The following ATP2C2 variants were observed in gnomAD, a reference collection of about 807,000 sequenced individuals.
The protein encoded by ATP2C2 is calcium-transporting ATPase type 2C member 2.
In ATP2C2, 171 loss-of-function variants were observed where a neutral mutation model predicts 110.8. That is an observed-to-expected ratio of 1.54 (90% CI 1.36 to 1.75). The LOEUF is 1.75. ATP2C2 is among the 40% of genes most tolerant of loss of function. ATP2C2 has a pLI of 0.00. For synonymous variants in ATP2C2, 804 were observed against 508.4 expected, an observed-to-expected ratio of 1.58 and a Z score of -7.82; for missense variants, 1,963 against 1,235.0, an observed-to-expected ratio of 1.59 and a Z score of -8.84.
rs745608003 is a variant in ATP2C2, at chr16:84,423,181, CT to C, written c.844-4del. 6.2e-7 allele frequency: 1 copy of C among 1,613,658 alleles called. No individual in the cohort carries two copies. On this transcript the variant is annotated splice_polypyrimidine_tract_variant and splice_region_variant and intron_variant, in intron 9 of 26. Coordinates refer to ENST00000262429, the MANE Select transcript of ATP2C2 (RefSeq NM_014861.4). The stretch of plus-strand genomic sequence containing the variant: ...GTCCAACTAACCCATTGTGCTCACC[CT>C]TTCAGACACCTAAAACTCCTTTGCA...
chr16:84,417,719 C>G (rs746029439), intron 7 of ATP2C2, among the ~76,000 whole-genome samples: 3 of 152,282 alleles, frequency 2.0e-5, no homozygotes, highest in African/African-American at 7.2e-5. Context: ...TAGTGACACT[C>G]CATCTGTACA....
At chr16:84,371,536 A>G (rs766106296) in intron 1 of ATP2C2, among the ~76,000 whole-genome samples, 2 of 152,224 alleles carry the variant, frequency 1.3e-5, no homozygotes. Flanking sequence ...GGTCTTTGAG[A>G]GGCCTCCTTA....
chr16:84,434,488 C>T (rs937213832), intron 11 of ATP2C2, among the ~76,000 whole-genome samples: 1 of 151,920 alleles, frequency 6.6e-6, no homozygotes, highest in African/African-American at 2.4e-5. Flanking sequence ...AAGGCACTTG[C>T]TTTTCCTGGT....
rs756801529 is a variant in ATP2C2, at chr16:84,462,074, C to T, written c.2667C>T (p.Val889=). 1 of 1,614,026 alleles carries T rather than the reference C, an allele frequency of 6.2e-7. No homozygotes were observed. Among genetic ancestry groups the T allele is most frequent in the Non-Finnish European group, 8.5e-7 (1 of 1,179,964 alleles). Reference sequence around the variant, plus strand: ...GGTCCATCCTGGGGCAGCTGGCGGTCATTTACATCCCCCCGCTGCAGAGGG... The same window carrying T: ...GGTCCATCCTGGGGCAGCTGGCGGTTATTTACATCCCCCCGCTGCAGAGGG... The part of the protein sequence containing the change: ...VLGSILGQLA[V]IYIPPLQRVF... Residue 889 remains valine, a synonymous_variant, in exon 26 of 27, where the codon GTC becomes GTT. Transcript: ENST00000262429.
At chr16:84,459,230 C>G (rs1911001850) in intron 22 of ATP2C2, 40 bp from the exon 23 acceptor site, 1 of 1,614,018 alleles carries the variant, frequency 6.2e-7, no homozygotes, top group Non-Finnish European at 8.5e-7. Flanking sequence ...AAGCACCACG[C>G]CTGGCGGGCG....
At chr16:84,385,411 T>C (rs759141152) in intron 1 of ATP2C2, among the ~76,000 whole-genome samples, 1 of 152,152 alleles carries the variant, frequency 6.6e-6, no homozygotes, top group Non-Finnish European at 1.5e-5. Flanking sequence ...GAGAATAGAA[T>C]TGGACATGAG....
At chr16:84,448,739 G>C in intron 17 of ATP2C2, 50 bp downstream of exon 17, 2 of 1,568,580 alleles carry the variant, frequency 1.3e-6, no homozygotes, top group Non-Finnish European at 1.7e-6. Flanking sequence ...ATGTAACATT[G>C]ACTTTTAAGT....
At chr16:84,425,857 C>T in intron 11 of ATP2C2, 56 bp downstream of exon 11, 2 of 1,579,738 alleles carry the variant, frequency 1.3e-6, no homozygotes, top group Non-Finnish European at 1.7e-6. Context: ...GGCTCTGAGC[C>T]CTTCCCTGCC....
intron 4 of ATP2C2, 129 bp downstream of exon 4, chr16:84,408,623 A>T: frequency 1.4e-6 from 1 of 696,900 alleles, no homozygotes; most frequent in Non-Finnish European, 2.4e-6. Context: ...CAGAAGAAAG[A>T]AAGGAAAGCA....
intron 17 of ATP2C2, among the ~76,000 whole-genome samples, chr16:84,451,326 G>C (rs967438511): frequency 6.6e-6 from 1 of 152,180 alleles, no homozygotes; most frequent in Non-Finnish European, 1.5e-5. Context: ...GGGAGCTACA[G>C]TTCAAGATGA....
Position 84,461,090 on chromosome 16 carries a change from CT to C in ATP2C2, c.2481+290del, listed in dbSNP as rs1911283401. 9.5e-6 allele frequency: 4 copies of C among 420,870 alleles called. No individual in the cohort carries two copies. In the East Asian group the frequency reaches 1.6e-4, roughly 17 times the overall value. 26.1% of individuals were successfully genotyped at this position (420,870 alleles called of 1,614,324 possible). A position where few individuals can be genotyped will look rare whatever the true frequency, so the allele number is the denominator to read the frequency against. Reference sequence around the variant, plus strand: ...AATGTACATGAGGACAGGCTGCCCCCTGTTCCCTTGTCACCAGGAAACAATT... The same window carrying C: ...AATGTACATGAGGACAGGCTGCCCCCGTTCCCTTGTCACCAGGAAACAATT... On this transcript the variant is annotated intron_variant, in intron 24 of 26. Coordinates refer to ENST00000262429, the MANE Select transcript of ATP2C2 (RefSeq NM_014861.4).
intron 15 of ATP2C2, 100 bp from the exon 16 acceptor site, chr16:84,446,228 GC>G (rs1909735321): frequency 1.8e-6 from 1 of 565,686 alleles, no homozygotes; most frequent in Non-Finnish European, 2.8e-6. Context: ...TTTCTTATCT[GC>G]CAGAGGTGGT....
At chr16:84,423,482 G>C (rs916769875) in intron 10 of ATP2C2, among the ~76,000 whole-genome samples, 1 of 152,226 alleles carries the variant, frequency 6.6e-6, no homozygotes, top group African/African-American at 2.4e-5. Flanking sequence ...GCTTAACAGA[G>C]TAAACGCTTG....
intron 4 of ATP2C2, among the ~76,000 whole-genome samples, chr16:84,409,073 A>T (rs1031530344): frequency 6.6e-6 from 1 of 151,914 alleles, no homozygotes; most frequent in Non-Finnish European, 1.5e-5. Flanking sequence ...ATCTTTTTCT[A>T]TCTCTGTGGG....
intron 20 of ATP2C2, among the ~76,000 whole-genome samples, chr16:84,454,502 G>A (rs779421832): frequency 4.6e-5 from 7 of 151,472 alleles, no homozygotes; most frequent in Non-Finnish European, 8.9e-5. Context: ...GTTGATTACT[G>A]TTTATTACTG....
intron 2 of ATP2C2, among the ~76,000 whole-genome samples, chr16:84,401,937 CAA>C (rs1485933459): frequency 6.6e-6 from 1 of 151,346 alleles, no homozygotes; most frequent in African/African-American, 2.4e-5. Context: ...GACATTTTAA[CAA>C]TATTGATTTT....
chr16:84,412,310 C>T (rs1732032113), intron 6 of ATP2C2, among the ~76,000 whole-genome samples: 2 of 131,768 alleles, frequency 1.5e-5, no homozygotes, highest in South Asian at 2.4e-4. Context: ...GTGAGCATGT[C>T]TGCACGTGTG....
At chr16:84,412,558 G>A (rs28703978) in intron 6 of ATP2C2, among the ~76,000 whole-genome samples, 199 of 42,552 alleles carry the variant, frequency 4.7e-3, no homozygotes, top group Non-Finnish European at 0.01. Flanking sequence ...GTGTGTGTGT[G>A]TGTGTGTGTG....
chr16:84,404,857 C>G, intron 2 of ATP2C2: 2 of 343,408 alleles, frequency 5.8e-6, no homozygotes, highest in Non-Finnish European at 1.1e-5. Context: ...TTCTGCATTT[C>G]TGGAAGTCTA....
Sources: allele counts gnomAD v4.1 joint callset (sites outside exome capture counted in the v4.1 genomes callset), GRCh38; gene constraint gnomAD v4.1.1; transcripts MANE v1.5; gene names NCBI Gene and HGNC (gene_info 2026-07-23, HGNC 2026-07-21).